LRRC75A: variants seen among roughly 807,000 people sequenced by gnomAD.
LRRC75A encodes the protein leucine-rich repeat-containing protein 75A.
LRRC75A carries 12 observed loss-of-function variants against 26.0 expected under a neutral mutation model. The ratio of observed to expected loss-of-function variants is 0.46; its 90% CI spans 0.30 to 0.75. The LOEUF (loss-of-function observed/expected upper bound fraction) is 0.75. LRRC75A is among the 30% of genes least tolerant of loss of function. The pLI, the probability that LRRC75A is intolerant of heterozygous loss-of-function variation, is 0.08. For synonymous variants in LRRC75A, 223 were observed against 219.3 expected (o/e 1.02, Z -0.15); for missense variants, 410 against 486.6 (o/e 0.84, Z 1.48).
intron 2 of LRRC75A, among the ~76,000 whole-genome samples, chr17:16,461,728 T>G (rs1218073574): frequency 6.6e-6 from 1 of 152,222 alleles, no homozygotes; most frequent in African/African-American, 2.4e-5. Context: ...CGGACGGCCT[T>G]CTATGACACC....
intron 2 of LRRC75A, among the ~76,000 whole-genome samples, chr17:16,454,525 C>G (rs1472017907): frequency 6.6e-6 from 1 of 151,382 alleles, no homozygotes; most frequent in Admixed American, 6.6e-5. Context: ...AACCCCATCT[C>G]TACTGAAAAT....
chr17:16,465,746 T>G (rs1477640608), intron 1 of LRRC75A, among the ~76,000 whole-genome samples: 2 of 152,360 alleles, frequency 1.3e-5, no homozygotes, highest in African/African-American at 4.8e-5. Flanking sequence ...CCCACTCCCC[T>G]GCCGTCTCCC....
chr17:16,449,626 A>T (rs1352438257), intron 2 of LRRC75A, among the ~76,000 whole-genome samples: 3 of 151,966 alleles, frequency 2.0e-5, no homozygotes, highest in Admixed American at 6.6e-5. Flanking sequence ...ATTTAATTTA[A>T]TTTATTTTTT....
intron 1 of LRRC75A, among the ~76,000 whole-genome samples, chr17:16,465,960 G>A (rs185063067): frequency 6.6e-6 from 1 of 152,368 alleles, no homozygotes; most frequent in Admixed American, 6.5e-5. Context: ...TCCAGCTGGG[G>A]TGGGGCTCCC....
intron 2 of LRRC75A, among the ~76,000 whole-genome samples, chr17:16,453,100 C>T (rs1312029762): frequency 6.6e-6 from 1 of 152,082 alleles, no homozygotes; most frequent in Non-Finnish European, 1.5e-5. Flanking sequence ...ACCAGCCTGT[C>T]CAATATGGTG....
intron 2 of LRRC75A, among the ~76,000 whole-genome samples, chr17:16,458,541 C>T (rs1391940004): frequency 1.3e-5 from 2 of 151,762 alleles, no homozygotes; most frequent in Admixed American, 6.6e-5. Flanking sequence ...TCTCAGCTCA[C>T]GGCAACCTCC....
At chr17:16,473,415 C>G (rs2093812379) in intron 1 of LRRC75A, among the ~76,000 whole-genome samples, 1 of 152,128 alleles carries the variant, frequency 6.6e-6, no homozygotes, top group Admixed American at 6.5e-5. Flanking sequence ...CACAGTCCTG[C>G]TGATGTCTAA....
At chr17:16,487,612 T>C (rs561966122) in intron 1 of LRRC75A, among the ~76,000 whole-genome samples, 1 of 152,318 alleles carries the variant, frequency 6.6e-6, no homozygotes, top group East Asian at 1.9e-4. Context: ...CTAGTTTTTG[T>C]ATTTGCATTT....
chr17:16,452,719 C>T (rs911747288), intron 2 of LRRC75A, among the ~76,000 whole-genome samples: 1 of 152,038 alleles, frequency 6.6e-6, no homozygotes, highest in Admixed American at 6.6e-5. Context: ...CAGGTGTGAG[C>T]CACCCTGCCT....
At chr17:16,483,394 G>A (rs950610331) in intron 1 of LRRC75A, among the ~76,000 whole-genome samples, 1 of 152,218 alleles carries the variant, frequency 6.6e-6, no homozygotes, top group Non-Finnish European at 1.5e-5. Context: ...GTCGGCCCCA[G>A]TACCTGGTGG....
chr17:16,476,016 C>T (rs891347367), intron 1 of LRRC75A, among the ~76,000 whole-genome samples: 1 of 152,090 alleles, frequency 6.6e-6, no homozygotes, highest in African/African-American at 2.4e-5. Context: ...CATGGTGAAA[C>T]CCCATCTCTA....
At chr17:16,476,732 A>ATTTTTTTTTTTTTTTTTTTTTTTTTTT (rs1170298700) in intron 1 of LRRC75A, among the ~76,000 whole-genome samples, 1 of 75,516 alleles carries the variant, frequency 1.3e-5, no homozygotes, top group African/African-American at 6.1e-5. Context: ...TGCCTGGCTG[A>ATTTTTTTTTTTTTTTTTTTTTTTTTTT]TTTTTTTTTT....
intron 1 of LRRC75A, among the ~76,000 whole-genome samples, chr17:16,472,935 C>T (rs2093811032): frequency 6.6e-6 from 1 of 152,134 alleles, no homozygotes; most frequent in South Asian, 2.1e-4. Context: ...TATAAAGTTA[C>T]ATCAAGATAT....
chr17:16,458,120 C>T (rs1423646168), intron 2 of LRRC75A, among the ~76,000 whole-genome samples: 1 of 152,174 alleles, frequency 6.6e-6, no homozygotes, highest in East Asian at 1.9e-4. Context: ...GGCTGGCCAA[C>T]ATGGTGAAAC....
In LRRC75A at chr17:16,462,296, T is replaced by A; in HGVS notation, c.337A>T (p.Ile113Phe). Residue 113 changes from isoleucine to phenylalanine, a missense_variant, in exon 2 of 4, where the codon ATC becomes TTC. Transcript: ENST00000470794. This position sits in a 1 kb window ranked among gnomAD's most constrained non-coding sequence, Gnocchi z 4.6. ...TGGATGTAGCGTGCCAGGCTGATGA[T>A]GAGGTCGTGTGTGATGGGGTCCACC... Reference protein sequence around the residue: ...NLVDPITHDLIISLARYIHCP... With the variant: ...NLVDPITHDLFISLARYIHCP... 1 of 1,614,050 alleles carries A rather than the reference T, an allele frequency of 6.2e-7. No individual in the cohort carries two copies.
intron 1 of LRRC75A, among the ~76,000 whole-genome samples, chr17:16,486,870 A>T (rs1382375531): frequency 1.3e-5 from 2 of 152,258 alleles, no homozygotes; most frequent in Non-Finnish European, 2.9e-5. Context: ...GCACAGCCGT[A>T]GCTGGGGAAT....
chr17:16,479,861 T>C (rs2093829577), intron 1 of LRRC75A, among the ~76,000 whole-genome samples: 1 of 152,158 alleles, frequency 6.6e-6, no homozygotes, highest in Non-Finnish European at 1.5e-5. Context: ...GTTGAAAAAG[T>C]GTCATTTGGA....
At chr17:16,481,188 A>T (rs1476396185) in intron 1 of LRRC75A, among the ~76,000 whole-genome samples, 1 of 152,166 alleles carries the variant, frequency 6.6e-6, no homozygotes, top group African/African-American at 2.4e-5. Context: ...AGCCAGGACC[A>T]TTGCCAGGAG....
intron 1 of LRRC75A, among the ~76,000 whole-genome samples, chr17:16,464,932 C>T (rs947456742): frequency 5.9e-5 from 9 of 152,242 alleles, no homozygotes; most frequent in African/African-American, 2.2e-4. Flanking sequence ...GAGCTGTGGC[C>T]CAGTGCCTGG....
Sources: gnomAD v4.1 joint callset for allele counts (sites outside exome capture counted in the v4.1 genomes callset) on GRCh38, gnomAD v4.1.1 for gene constraint, Gnocchi (gnomAD v3.1) non-coding constraint, MANE v1.5 for transcripts, NCBI Gene and HGNC (gene_info 2026-07-23, HGNC 2026-07-21) for gene names.